ECPAS: variants seen among roughly 807,000 people sequenced by gnomAD.
ECPAS encodes the protein proteasome adapter and scaffold protein ECM29.
In ECPAS, 70 loss-of-function variants were observed where a neutral mutation model predicts 255.1. The observed-to-expected ratio is 0.27, with a 90% confidence interval of 0.23 to 0.33. The LOEUF is 0.33. ECPAS is among the 10% of genes least tolerant of loss of function. The pLI is 1.00. For synonymous variants in ECPAS, 784 were observed against 775.0 expected (o/e 1.01, Z -0.19); for missense variants, 1,817 against 2,206.4 (o/e 0.82, Z 3.54).
chr9:111,389,588 T>C lies in ECPAS; in HGVS notation c.3415A>G (p.Ile1139Val), dbSNP rs1479799583. ...NLGIRQAMTS[I>V]WNALVTDKSM... ...TTGTCAGTGACCAACGCATTCCAAA[T>C]ACTTGTCATGGCCTGTCGAATGCCA... The change falls in exon 31 of 50, where the codon ATT becomes GTT. Residue 1139 changes from isoleucine to valine, a missense_variant. Ile to Val is a conservative substitution (Grantham distance 29). Coordinates refer to ENST00000684092, the MANE Select transcript of ECPAS (RefSeq NM_001364929.1). The C allele has an allele frequency of 6.2e-7, 1 of 1,613,778 alleles. No homozygotes were observed. The highest frequency in any genetic ancestry group is 8.5e-7 in the Non-Finnish European group (1 of 1,179,786).
At chr9:111,371,875 A>C (rs760273830) in intron 42 of ECPAS, 46 bp from the exon 43 acceptor site, 3 of 1,520,404 alleles carry the variant, frequency 2.0e-6, no homozygotes, top group Non-Finnish European at 2.7e-6. Flanking sequence ...AAGAAAAATT[A>C]ACTGATTTTT....
chr9:111,443,146 AC>A (rs2098248149), intron 4 of ECPAS, among the ~76,000 whole-genome samples: 1 of 152,214 alleles, frequency 6.6e-6, no homozygotes, highest in Non-Finnish European at 1.5e-5. Flanking sequence ...GATAAGGGAT[AC>A]TCAACCTGTA....
In ECPAS at chr9:111,424,197, C is replaced by T. The variant is rs535190897; in HGVS notation, c.1216-949G>A. 2.6e-5 allele frequency among the ~76,000 whole-genome samples: 4 copies of T among 152,324 alleles called. No homozygotes were observed. In the South Asian group the frequency reaches 8.3e-4, roughly 32 times the overall value. ...AAGCTATGAGAACCAGGCCTACTTA[C>T]CACCCCAAAGCACAGCTGCACAGTA... On this transcript the variant is annotated intron_variant, in intron 12 of 49. Coordinates refer to ENST00000684092, the MANE Select transcript of ECPAS (RefSeq NM_001364929.1).
chr9:111,475,533 A>T (rs1340392373), intron 1 of ECPAS, among the ~76,000 whole-genome samples: 1 of 152,162 alleles, frequency 6.6e-6, no homozygotes, highest in African/African-American at 2.4e-5. Flanking sequence ...TCAGGAGTTC[A>T]AGACCAGCCT....
chr9:111,474,948 C>T (rs1327296326), intron 1 of ECPAS, among the ~76,000 whole-genome samples: 1 of 152,178 alleles, frequency 6.6e-6, no homozygotes, highest in African/African-American at 2.4e-5. Context: ...CCGTAGCACC[C>T]CCATTCCCAT....
chr9:111,468,900 A>C (rs1783032604), intron 2 of ECPAS, among the ~76,000 whole-genome samples: 1 of 152,200 alleles, frequency 6.6e-6, no homozygotes, highest in Non-Finnish European at 1.5e-5. Context: ...CCTAGTTGGC[A>C]TCTAGATTTT....
chr9:111,437,747 C>G (rs1478020082), intron 6 of ECPAS, among the ~76,000 whole-genome samples: 2 of 152,152 alleles, frequency 1.3e-5, no homozygotes, highest in African/African-American at 4.8e-5. Context: ...CTTTGCACTG[C>G]CTTGGTTAAT....
rs370952793 is a variant in ECPAS, at chr9:111,422,080, G to T, written c.1333-37C>A. 1.9e-6 allele frequency: 3 copies of T among 1,613,450 alleles called. No individual in the cohort carries two copies. In the African/African-American group the frequency reaches 4.0e-5, roughly 22 times the overall value. On this transcript the variant is annotated intron_variant, in intron 14 of 49. Coordinates refer to ENST00000684092, the MANE Select transcript of ECPAS (RefSeq NM_001364929.1). ...ATAAAAATGTTTCCCTCCTTGTTGGGTTCCCAGGGGAACATCCAAACACAA... is the reference window on the plus strand; with the variant it reads ...ATAAAAATGTTTCCCTCCTTGTTGGTTTCCCAGGGGAACATCCAAACACAA...
intron 24 of ECPAS, among the ~76,000 whole-genome samples, chr9:111,407,285 C>T (rs1187222859): frequency 6.9e-6 from 1 of 145,610 alleles, no homozygotes. Context: ...GCTTGTAATC[C>T]CAACTACTTA....
intron 7 of ECPAS, 126 bp from the exon 8 acceptor site, chr9:111,433,498 T>G: frequency 1.2e-6 from 1 of 834,700 alleles, no homozygotes; most frequent in Non-Finnish European, 1.9e-6. Context: ...TAGCAGCTCC[T>G]ACTTAGGCTT....
intron 32 of ECPAS, 117 bp from the exon 33 acceptor site, chr9:111,385,559 C>T (rs975668869): frequency 1.5e-6 from 1 of 663,508 alleles, no homozygotes; most frequent in Non-Finnish European, 2.7e-6. Context: ...CATCCCCTCA[C>T]CCCAAAACAG....
At chr9:111,431,992 C>G (rs1207868473) in intron 8 of ECPAS, among the ~76,000 whole-genome samples, 2 of 152,094 alleles carry the variant, frequency 1.3e-5, no homozygotes, top group African/African-American at 4.8e-5. Flanking sequence ...TTTAGTAAAA[C>G]AAACTAAAAA....
intron 15 of ECPAS, 74 bp downstream of exon 15, chr9:111,421,847 A>G: frequency 1.3e-6 from 2 of 1,531,470 alleles, no homozygotes; most frequent in South Asian, 1.2e-5. Context: ...TCAAAAGTTA[A>G]GTAGCAATTC....
In ECPAS at chr9:111,383,916, T is replaced by A. The variant is rs111318241; in HGVS notation, c.3682-584A>T. ...CAGCCTGGGTGACAGAGTAAGACCT[T>A]GTCTCAAAAAAAAATTAAAATAAAA... is the stretch of plus-strand genomic sequence containing the variant. On this transcript the variant is annotated intron_variant, in intron 34 of 49. Coordinates refer to ENST00000684092, the MANE Select transcript of ECPAS (RefSeq NM_001364929.1). Among the ~76,000 whole-genome samples, 315 of 152,014 alleles carry A rather than the reference T, an allele frequency of 2.1e-3. 1 individual carries two copies. Among genetic ancestry groups the A allele is most frequent in the African/African-American group, 7.3e-3 (302 of 41,458 alleles).
chr9:111,455,180 C>T (rs2098265297), intron 2 of ECPAS, among the ~76,000 whole-genome samples: 1 of 152,142 alleles, frequency 6.6e-6, no homozygotes, highest in Non-Finnish European at 1.5e-5. Context: ...CCCAGGACTG[C>T]TACCTGTAGA....
chr9:111,417,769 G>A, intron 17 of ECPAS, 114 bp downstream of exon 17: 6 of 1,061,984 alleles, frequency 5.6e-6, no homozygotes, highest in Admixed American at 3.4e-5. Context: ...GAAAAGAAAA[G>A]AAAAAGAAAT....
chr9:111,449,265 C>T (rs2098257168), intron 3 of ECPAS, among the ~76,000 whole-genome samples: 1 of 151,876 alleles, frequency 6.6e-6, no homozygotes, highest in South Asian at 2.1e-4. Flanking sequence ...AAAAAGGGAA[C>T]ATTAATCTAA....
intron 34 of ECPAS, among the ~76,000 whole-genome samples, chr9:111,383,679 G>T (rs954954525): frequency 5.3e-5 from 8 of 152,150 alleles, no homozygotes; most frequent in African/African-American, 1.9e-4. Flanking sequence ...CCAGCACTTT[G>T]GGAGGCCGAG....
intron 1 of ECPAS, among the ~76,000 whole-genome samples, chr9:111,473,837 C>T (rs1193900565): frequency 1.3e-5 from 2 of 152,036 alleles, no homozygotes; most frequent in East Asian, 3.9e-4. Flanking sequence ...GATGGTGGTA[C>T]CCGCCTGCAG....
Sources: gnomAD v4.1 joint callset for allele counts (sites outside exome capture counted in the v4.1 genomes callset) on GRCh38, gnomAD v4.1.1 for gene constraint, MANE v1.5 for transcripts, NCBI Gene and HGNC (gene_info 2026-07-23, HGNC 2026-07-21) for gene names.